HDAC9: variants seen among roughly 807,000 people sequenced by gnomAD.
HDAC9 encodes MEF-2 interacting transcription repressor (MITR) protein.
In HDAC9, 41 loss-of-function variants were observed where a neutral mutation model predicts 139.4. That is an observed-to-expected ratio of 0.29 (90% confidence interval 0.23 to 0.38). The LOEUF is 0.38. HDAC9 is among the 10% of genes least tolerant of loss of function. The pLI is 1.00. For synonymous variants in HDAC9, 517 were observed against 476.2 expected (o/e 1.09, Z -1.12); for missense variants, 1,147 against 1,297.0 (o/e 0.88, Z 1.78).
chr7:18,386,528 A>G (rs538370014), intron 1 of HDAC9, among the ~76,000 whole-genome samples: 1 of 152,230 alleles, frequency 6.6e-6, no homozygotes, highest in East Asian at 1.9e-4. Context: ...CTGAGGCCAC[A>G]CCCTAACTTG....
chr7:18,382,759 T>G (rs1340226744), intron 1 of HDAC9, among the ~76,000 whole-genome samples: 1 of 152,218 alleles, frequency 6.6e-6, no homozygotes, highest in Non-Finnish European at 1.5e-5. Context: ...AAAGTAATAA[T>G]TTTAAAGTAA....
chr7:18,151,721 T>C (rs1019997703), intron 1 of HDAC9: 2 of 152,160 alleles, frequency 1.3e-5, no homozygotes, highest in African/African-American at 4.8e-5. Context: ...ACTATCTCCT[T>C]GGGAATGGAA....
At chr7:18,993,633 C>T (rs913733470) in intron 25 of HDAC9, among the ~76,000 whole-genome samples, 3 of 116,070 alleles carry the variant, frequency 2.6e-5, no homozygotes, top group Admixed American at 1.7e-4. Flanking sequence ...AAGACCCCAT[C>T]TATAATTATT....
chr7:18,307,696 G>A (rs763366332), intron 1 of HDAC9, among the ~76,000 whole-genome samples: 7 of 152,010 alleles, frequency 4.6e-5, no homozygotes, highest in Admixed American at 2.6e-4. Context: ...CCAGCTACTC[G>A]GGAGGCTGAG....
At chr7:18,288,415 C>T (rs117520913), upstream of HDAC9, among the ~76,000 whole-genome samples, 1,682 of 152,188 alleles carry the variant, frequency 0.011, 15 homozygotes, top group Non-Finnish European at 0.016. Flanking sequence ...TATTCTAATA[C>T]TAAATTTTAG....
At chr7:18,972,128 A>G (rs1784276881) in intron 24 of HDAC9, among the ~76,000 whole-genome samples, 1 of 152,222 alleles carries the variant, frequency 6.6e-6, no homozygotes, top group Non-Finnish European at 1.5e-5. Context: ...ATAGAAAAGA[A>G]AAGGTTTTCT....
Position 18,996,117 on chromosome 7 carries a change from C to T in HDAC9, c.*55C>T, listed in dbSNP as rs375677897. ...TGTGTGACATCATTGTGTATCCCCC[C>T]ACCCCAGTACCCTCAGACATGTCTT... On this transcript the variant is annotated 3_prime_UTR_variant, in exon 26 of 26. Coordinates refer to ENST00000686413, the MANE Select transcript of HDAC9 (RefSeq NM_178425.4). 36 of 1,310,338 alleles carry T rather than the reference C, an allele frequency of 2.7e-5. No individual in the cohort carries two copies. In the South Asian group the frequency reaches 3.8e-4, roughly 14 times the overall value. 81.2% of individuals were successfully genotyped at this position (1,310,338 alleles called of 1,614,324 possible).
At chr7:18,872,963 AG>A (rs1186351378) in intron 21 of HDAC9, among the ~76,000 whole-genome samples, 2 of 152,182 alleles carry the variant, frequency 1.3e-5, no homozygotes, top group African/African-American at 2.4e-5. Flanking sequence ...AGGAGTACAT[AG>A]GATTAATAAA....
intron 7 of HDAC9, among the ~76,000 whole-genome samples, chr7:18,631,795 G>C (rs544212230): frequency 8.6e-5 from 13 of 151,528 alleles, no homozygotes. Flanking sequence ...TATTTCATTG[G>C]CTACCCTTCT....
chr7:18,586,035 T>C (rs1829375235), intron 3 of HDAC9, among the ~76,000 whole-genome samples: 1 of 152,158 alleles, frequency 6.6e-6, no homozygotes, highest in Non-Finnish European at 1.5e-5. Context: ...TTCAAAATAA[T>C]AGTATAATAA....
In HDAC9 at chr7:18,332,361, A is replaced by ATGTGTG. The variant is rs33993916; in HGVS notation, c.-42+41873_-42+41878dup. On this transcript the variant is annotated intron_variant, in intron 1 of 3. Transcript: ENST00000413509. Reference sequence around the variant, plus strand: ...GTGAATTGTGGCTGTGCATGCGCACATGTGTGTGTGTGTGTGTGTGTGTGT... The same window carrying ATGTGTG: ...GTGAATTGTGGCTGTGCATGCGCACATGTGTGTGTGTGTGTGTGTGTGTGTGTGTGT... 8.2e-3 allele frequency among the ~76,000 whole-genome samples: 1,106 copies of ATGTGTG among 134,666 alleles called. 18 individuals are homozygous for ATGTGTG. The highest frequency in any genetic ancestry group is 0.03 in the African/African-American group (1,039 of 34,432). The allele number at this position is 134,666 out of a possible 152,430, so 88.3% of individuals were successfully genotyped here. A position where few individuals can be genotyped will look rare whatever the true frequency, so the allele number is the denominator to read the frequency against.
intron 22 of HDAC9, among the ~76,000 whole-genome samples, chr7:18,933,228 G>T (rs1245382596): frequency 6.6e-6 from 1 of 152,114 alleles, no homozygotes; most frequent in Non-Finnish European, 1.5e-5. Flanking sequence ...GTTCTGGTCA[G>T]GGCCTTCTGG....
intron 2 of HDAC9, among the ~76,000 whole-genome samples, chr7:18,532,956 C>A (rs942635010): frequency 2.4e-4 from 36 of 151,920 alleles, no homozygotes; most frequent in African/African-American, 8.0e-4. Flanking sequence ...ATGTGTTCAC[C>A]CACAGGAGTG....
intron 14 of HDAC9, 105 bp from the exon 15 acceptor site, chr7:18,762,052 G>C: frequency 8.3e-7 from 1 of 1,205,940 alleles, no homozygotes; most frequent in Middle Eastern, 1.9e-4. Context: ...ATTCCTACAT[G>C]ATGAAATTCA....
intron 21 of HDAC9, among the ~76,000 whole-genome samples, chr7:18,869,182 G>A (rs905327919): frequency 6.7e-6 from 1 of 148,534 alleles, no homozygotes; most frequent in Admixed American, 6.6e-5. Context: ...GTGTGTGTGT[G>A]TGTGTTGCGG....
chr7:18,785,766 G>A (rs139313519), intron 16 of HDAC9, among the ~76,000 whole-genome samples: 72 of 151,846 alleles, frequency 4.7e-4, no homozygotes, highest in African/African-American at 1.6e-3. Context: ...AAATTACTAT[G>A]GGCTAACAGC....
intron 2 of HDAC9, among the ~76,000 whole-genome samples, chr7:18,516,970 A>T (rs1803424649): frequency 6.6e-6 from 1 of 152,092 alleles, no homozygotes; most frequent in South Asian, 2.1e-4. Flanking sequence ...TAGAAAGATT[A>T]CTTAAAAAGA....
chr7:18,548,617 T>C (rs1057123412), intron 2 of HDAC9, among the ~76,000 whole-genome samples: 10 of 152,182 alleles, frequency 6.6e-5, no homozygotes, highest in African/African-American at 1.9e-4. Flanking sequence ...GCAACACTTT[T>C]GTAACACATT....
chr7:18,402,309 G>T (rs1787619338), intron 1 of HDAC9, among the ~76,000 whole-genome samples: 1 of 152,144 alleles, frequency 6.6e-6, no homozygotes, highest in African/African-American at 2.4e-5. Flanking sequence ...TCTATCCTGG[G>T]ATGGAGAGCT....
Sources: gnomAD v4.1 joint callset for allele counts (sites outside exome capture counted in the v4.1 genomes callset) on GRCh38, gnomAD v4.1.1 for gene constraint, MANE v1.5 for transcripts, NCBI Gene and HGNC (gene_info 2026-07-23, HGNC 2026-07-21) for gene names.